PCGF5: variants seen among roughly 807,000 people sequenced by gnomAD.
The protein encoded by PCGF5 is polycomb group ring finger 5.
A neutral mutation model predicts 44.3 loss-of-function variants in PCGF5; 9 were observed. The ratio of observed to expected loss-of-function variants is 0.20; its 90% confidence interval spans 0.12 to 0.35. The LOEUF (loss-of-function observed/expected upper bound fraction) is 0.35. PCGF5 is among the 10% of genes least tolerant of loss of function. The probability of loss-of-function intolerance (pLI) is 1.00; values close to 1 mark genes in which losing one functional copy is unlikely to be tolerated. For synonymous variants in PCGF5, 95 were observed against 102.5 expected (o/e 0.93, Z 0.44); for missense variants, 146 against 305.3 (o/e 0.48, Z 3.89).
chr10:91,191,381 G>C (rs556979448), intron 1 of PCGF5, among the ~76,000 whole-genome samples: 1 of 152,244 alleles, frequency 6.6e-6, no homozygotes, highest in Admixed American at 6.5e-5. Context: ...ACAAAGGGAT[G>C]ATTCACCACA....
intron 1 of PCGF5, among the ~76,000 whole-genome samples, chr10:91,178,263 G>A (rs972579268): frequency 3.9e-5 from 6 of 152,140 alleles, no homozygotes; most frequent in East Asian, 3.8e-4. Context: ...AAATCAAGAC[G>A]GCAGTTTAAA....
rs928196318 is a variant in PCGF5 at position 91,280,341 on chromosome 10, G to A, written c.*2025G>A. Reference sequence around the variant, plus strand: ...TCACAAGTGAGACTTTGATGTTTTGGCCCCCCAGCCAAAACTTAATGGTCA... The same window carrying A: ...TCACAAGTGAGACTTTGATGTTTTGACCCCCCAGCCAAAACTTAATGGTCA... On this transcript the variant is annotated 3_prime_UTR_variant, in exon 10 of 10. Transcript: ENST00000336126. 1.3e-5 allele frequency: 2 copies of A among 151,824 alleles called. No homozygotes were observed. The highest frequency in any genetic ancestry group is 4.8e-5 in the African/African-American group (2 of 41,366). 9.4% of individuals were successfully genotyped at this position (151,824 alleles called of 1,614,324 possible). A position where few individuals can be genotyped will look rare whatever the true frequency, so the allele number is the denominator to read the frequency against.
At chr10:91,166,771 G>C (rs546513452) in intron 1 of PCGF5, among the ~76,000 whole-genome samples, 1 of 152,204 alleles carries the variant, frequency 6.6e-6, no homozygotes, top group Non-Finnish European at 1.5e-5. Context: ...ACTTTTTGGA[G>C]CATTCTGTCA....
chr10:91,198,484 A>G (rs1421321867), intron 1 of PCGF5, among the ~76,000 whole-genome samples: 2 of 151,970 alleles, frequency 1.3e-5, no homozygotes, highest in Admixed American at 1.3e-4. Context: ...CACCCTCCTT[A>G]CCTACCCCTA....
At chr10:91,255,733 TCAA>T (rs1001839256) in intron 6 of PCGF5, among the ~76,000 whole-genome samples, 1 of 151,970 alleles carries the variant, frequency 6.6e-6, no homozygotes, top group Non-Finnish European at 1.5e-5. Context: ...ATGTCTAGTT[TCAA>T]CAACAACAAC....
At chr10:91,215,663 A>C (rs1844527451), upstream of PCGF5, among the ~76,000 whole-genome samples, 1 of 152,342 alleles carries the variant, frequency 6.6e-6, no homozygotes, top group South Asian at 2.1e-4. Context: ...GCTGGAGTTG[A>C]CAGCTAACAC....
chr10:91,159,520 A>T (rs995220611), upstream of PCGF5, among the ~76,000 whole-genome samples: 1 of 152,182 alleles, frequency 6.6e-6, no homozygotes, highest in African/African-American at 2.4e-5. Flanking sequence ...ATGAGAAGTC[A>T]GCACTCCAGA....
At chr10:91,249,387 A>G (rs1198588298) in intron 5 of PCGF5, among the ~76,000 whole-genome samples, 78 of 13,522 alleles carry the variant, frequency 5.8e-3, no homozygotes, top group African/African-American at 0.028. Context: ...ATATATATAT[A>G]TATATATATA....
At chr10:91,158,620 C>G (rs1487155280), upstream of PCGF5, among the ~76,000 whole-genome samples, 2 of 152,094 alleles carry the variant, frequency 1.3e-5, no homozygotes, top group African/African-American at 4.8e-5. Context: ...GGTCATGGGG[C>G]TGGAGGAGTT....
upstream of PCGF5, among the ~76,000 whole-genome samples, chr10:91,158,727 C>A (rs1843347538): frequency 6.6e-6 from 1 of 152,170 alleles, no homozygotes; most frequent in South Asian, 2.1e-4. Flanking sequence ...ATACCCCAAA[C>A]AATGCTTTTT....
At chr10:91,276,938 G>A (rs577614817) in intron 9 of PCGF5, among the ~76,000 whole-genome samples, 1 of 152,310 alleles carries the variant, frequency 6.6e-6, no homozygotes, top group African/African-American at 2.4e-5. Context: ...GATAATCTGT[G>A]TCTTGCTCCC....
intron 3 of PCGF5, among the ~76,000 whole-genome samples, chr10:91,242,437 AACAG>A (rs569385986): frequency 4.1e-4 from 62 of 152,246 alleles, no homozygotes; most frequent in African/African-American, 1.3e-3. Context: ...TGTTAATAAA[AACAG>A]ACAGTTAATA....
Position 91,222,929 on chromosome 10 carries a change from ATC to A in PCGF5, c.60_61del (p.Ile20MetfsTer2). On this transcript the variant is annotated frameshift_variant, in exon 2 of 10. Coordinates refer to ENST00000336126, the MANE Select transcript of PCGF5 (RefSeq NM_032373.5). LOFTEE classifies it high-confidence loss of function. ...KDFNPYITCY[I>X]CKGYLIKPTT... ...TTTTAATCCTTACATTACCTGCTAT[ATC>A]TGTAAAGGGTATCTGATCAAGCCAA... 1 of 1,613,658 alleles carries A rather than the reference ATC, an allele frequency of 6.2e-7. No individual in the cohort carries two copies. The highest frequency in any genetic ancestry group is 8.5e-7 in the Non-Finnish European group (1 of 1,179,526).
At chr10:91,247,443 A>G (rs991973871) in intron 3 of PCGF5, among the ~76,000 whole-genome samples, 1 of 152,136 alleles carries the variant, frequency 6.6e-6, no homozygotes, top group African/African-American at 2.4e-5. Flanking sequence ...GTTAGAAGGA[A>G]AGATTGAGAA....
intron 1 of PCGF5, among the ~76,000 whole-genome samples, chr10:91,190,971 A>G (rs1844022023): frequency 6.6e-6 from 1 of 152,218 alleles, no homozygotes; most frequent in African/African-American, 2.4e-5. Flanking sequence ...CAACGAGTCC[A>G]GATCTATAAA....
At chr10:91,266,195 G>A (rs187509667) in intron 8 of PCGF5, among the ~76,000 whole-genome samples, 9 of 152,092 alleles carry the variant, frequency 5.9e-5, no homozygotes, top group South Asian at 2.1e-4. Context: ...ATAGTTTAGC[G>A]GGCATTGCAG....
At chr10:91,188,497 C>G (rs1047305487) in intron 1 of PCGF5, among the ~76,000 whole-genome samples, 1 of 152,100 alleles carries the variant, frequency 6.6e-6, no homozygotes. Flanking sequence ...AACTTTAAAA[C>G]CAGTGGATTA....
chr10:91,263,731 G>A (rs577269317), intron 7 of PCGF5, among the ~76,000 whole-genome samples: 32 of 152,262 alleles, frequency 2.1e-4, no homozygotes, highest in African/African-American at 6.7e-4. Flanking sequence ...AAAACTTAAC[G>A]CTGATAAGTA....
chr10:91,208,587 A>C (rs576190982), intron 1 of PCGF5, among the ~76,000 whole-genome samples: 4 of 152,314 alleles, frequency 2.6e-5, no homozygotes, highest in African/African-American at 7.2e-5. Flanking sequence ...TCCCTGTATT[A>C]GTATGAAAAA....
Sources: gnomAD v4.1 joint callset for allele counts (sites outside exome capture counted in the v4.1 genomes callset) on GRCh38, gnomAD v4.1.1 for gene constraint, MANE v1.5 for transcripts, NCBI Gene and HGNC (gene_info 2026-07-23, HGNC 2026-07-21) for gene names.